Variants in SLC2A9 observed in about 807,000 individuals in gnomAD.
The protein encoded by SLC2A9 is solute carrier family 2 member 9, also known as solute carrier family 2, facilitated glucose transporter member 9.
In SLC2A9, 39 loss-of-function variants were observed where a neutral mutation model predicts 50.6. The ratio of observed to expected loss-of-function variants is 0.77; its 90% CI spans 0.60 to 1.01. The LOEUF (loss-of-function observed/expected upper bound fraction) is 1.01. Ranked by LOEUF, SLC2A9 falls within the 50% of genes least tolerant of loss-of-function variation. The pLI is 0.00. For missense variants in SLC2A9, 686 were observed against 677.6 expected, an observed-to-expected ratio of 1.01 and a Z score of -0.14; for synonymous variants, 324 against 276.9, an observed-to-expected ratio of 1.17 and a Z score of -1.69.
At chr4:9,919,288 C>T (rs113665287) in intron 7 of SLC2A9, among the ~76,000 whole-genome samples, 11 of 152,320 alleles carry the variant, frequency 7.2e-5, no homozygotes, top group African/African-American at 2.6e-4. Context: ...CCTGCTCAAT[C>T]TGCTGACTTT....
intron 10 of SLC2A9, among the ~76,000 whole-genome samples, chr4:9,841,069 G>A (rs900155397): frequency 2.6e-5 from 4 of 152,160 alleles, no homozygotes; most frequent in African/African-American, 9.7e-5. Flanking sequence ...ATTACAATTC[G>A]AGATGAGATT....
intron 5 of SLC2A9, among the ~76,000 whole-genome samples, chr4:9,946,086 G>A (rs1749090736): frequency 6.6e-6 from 1 of 152,214 alleles, no homozygotes; most frequent in East Asian, 1.9e-4. Flanking sequence ...GGTCCAGCCT[G>A]CTGGGTTTGG....
chr4:9,863,691 C>A (rs1467214100), intron 10 of SLC2A9, among the ~76,000 whole-genome samples: 1 of 143,064 alleles, frequency 7.0e-6, no homozygotes, highest in Non-Finnish European at 1.5e-5. Flanking sequence ...TGAGAGAATG[C>A]ATGTCCGCTG....
intron 8 of SLC2A9, among the ~76,000 whole-genome samples, chr4:9,906,485 A>T (rs560281682): frequency 6.6e-6 from 1 of 152,370 alleles, no homozygotes; most frequent in Non-Finnish European, 1.5e-5. Context: ...ATTCTGACAT[A>T]AGATTATGTG....
rs370625858 is a variant in SLC2A9 at position 9,783,130 on chromosome 4, G to T, written n.386-3065C>A. ...ATGCCTTCAACGCCGACTTTCAGAAGGTGTTTGCCCAGCTGCTGGGGTGCA... is the reference window on the plus strand; with the variant it reads ...ATGCCTTCAACGCCGACTTTCAGAATGTGTTTGCCCAGCTGCTGGGGTGCA... On this transcript the variant is annotated intron_variant and non_coding_transcript_variant, in intron 3 of 3. Coordinates refer to the SLC2A9 transcript ENST00000503803. 1.2e-6 allele frequency: 2 copies of T among 1,614,232 alleles called. No individual in the cohort carries two copies. Among genetic ancestry groups the T allele is most frequent in the African/African-American group, 1.3e-5 (1 of 75,064 alleles).
chr4:9,827,101 G>A (rs944178739), intron 11 of SLC2A9, among the ~76,000 whole-genome samples: 8 of 152,234 alleles, frequency 5.3e-5, no homozygotes, highest in Admixed American at 1.3e-4. Context: ...ACTCTGAGGC[G>A]GCCTTGCACA....
At chr4:9,954,850 G>A (rs6414766) in intron 5 of SLC2A9, among the ~76,000 whole-genome samples, 73,248 of 151,850 alleles carry the variant, frequency 0.48, 19,060 homozygotes, top group African/African-American at 0.67. Flanking sequence ...TAAAATAATA[G>A]TTGGTCACAG....
intron 6 of SLC2A9, among the ~76,000 whole-genome samples, chr4:9,922,322 G>T (rs928240816): frequency 6.6e-6 from 1 of 151,856 alleles, no homozygotes; most frequent in Admixed American, 6.6e-5. Flanking sequence ...CCATTGGGGG[G>T]TGGGGTGGGG....
downstream of SLC2A9, among the ~76,000 whole-genome samples, chr4:9,822,694 C>T (rs972819246): frequency 3.3e-5 from 5 of 152,140 alleles, no homozygotes; most frequent in African/African-American, 1.2e-4. Flanking sequence ...TCTCTTCTGG[C>T]TTATTTGGTT....
intron 3 of SLC2A9, among the ~76,000 whole-genome samples, chr4:9,800,392 T>C (rs1721233530): frequency 6.6e-6 from 1 of 152,208 alleles, no homozygotes; most frequent in Non-Finnish European, 1.5e-5. Context: ...CCTAATCTAA[T>C]ATGATGGGTG....
At chr4:10,015,847 T>C (rs897446380) in intron 2 of SLC2A9, among the ~76,000 whole-genome samples, 2 of 152,214 alleles carry the variant, frequency 1.3e-5, no homozygotes, top group Admixed American at 6.5e-5. Context: ...CTGACGTCTC[T>C]GTATTTCTGA....
chr4:9,981,019 C>G (rs1043646165), intron 4 of SLC2A9, among the ~76,000 whole-genome samples: 1 of 151,274 alleles, frequency 6.6e-6, no homozygotes, highest in South Asian at 2.1e-4. Flanking sequence ...ATGGTGATAA[C>G]GGTGGTCGTG....
At chr4:10,011,505 T>C (rs889729533) in intron 2 of SLC2A9, among the ~76,000 whole-genome samples, 2 of 152,232 alleles carry the variant, frequency 1.3e-5, no homozygotes, top group African/African-American at 4.8e-5. Context: ...AACATTTTCC[T>C]ACTAAAGGTC....
intron 2 of SLC2A9, among the ~76,000 whole-genome samples, chr4:10,001,157 A>G (rs1473720472): frequency 6.6e-6 from 1 of 152,166 alleles, no homozygotes; most frequent in African/African-American, 2.4e-5. Context: ...ACGGGTACAG[A>G]GTGAATTTTG....
At chr4:9,832,398 G>C (rs1449957051) in intron 11 of SLC2A9, among the ~76,000 whole-genome samples, 1 of 152,166 alleles carries the variant, frequency 6.6e-6, no homozygotes, top group African/African-American at 2.4e-5. Flanking sequence ...TCCCAGGCTT[G>C]GGTCAGGAGG....
intron 10 of SLC2A9, among the ~76,000 whole-genome samples, chr4:9,874,215 G>A (rs908195162): frequency 1.3e-5 from 2 of 151,646 alleles, no homozygotes; most frequent in African/African-American, 4.9e-5. Flanking sequence ...CTACCTCCAG[G>A]TCCACTTCTA....
At chr4:9,880,321 G>T in intron 10 of SLC2A9, 2 of 985,620 alleles carry the variant, frequency 2.0e-6, no homozygotes, top group Non-Finnish European at 2.4e-6. Flanking sequence ...GGTCAACACA[G>T]GGGGTTGAAG....
At chr4:10,014,089 C>A (rs1421343626) in intron 2 of SLC2A9, among the ~76,000 whole-genome samples, 1 of 152,220 alleles carries the variant, frequency 6.6e-6, no homozygotes, top group Non-Finnish European at 1.5e-5. Flanking sequence ...ACACCCTAAA[C>A]CCCTGCCAGG....
At chr4:9,982,532 G>A (rs79388807) in intron 4 of SLC2A9, among the ~76,000 whole-genome samples, 1 of 152,188 alleles carries the variant, frequency 6.6e-6, no homozygotes, top group African/African-American at 2.4e-5. Flanking sequence ...AGGAAATTCA[G>A]AGATCAATTA....
Sources: gnomAD v4.1 joint callset for allele counts (sites outside exome capture counted in the v4.1 genomes callset) on GRCh38, gnomAD v4.1.1 for gene constraint, MANE v1.5 for transcripts, NCBI Gene and HGNC (gene_info 2026-07-23, HGNC 2026-07-21) for gene names.